Variants in TBC1D21 observed in about 807,000 individuals in gnomAD.
TBC1D21 encodes the protein TBC1 domain family member 21, also known as male germ cell Rab GTPase-activating protein.
TBC1D21 carries 38 observed loss-of-function variants against 46.0 expected under a neutral mutation model. That is an observed-to-expected ratio of 0.83 (90% CI 0.64 to 1.08). The LOEUF is 1.08. TBC1D21 is among the 50% of genes least tolerant of loss of function. TBC1D21 has a pLI of 0.00. For synonymous variants in TBC1D21, 151 were observed against 157.2 expected (o/e 0.96, Z 0.29); for missense variants, 415 against 417.9 (o/e 0.99, Z 0.06).
At chr15:73,888,652 T>C in intron 10 of TBC1D21, 139 bp downstream of exon 10, 1 of 688,010 alleles carries the variant, frequency 1.5e-6, no homozygotes, top group South Asian at 1.7e-5. Context: ...TTCTTCCTCC[T>C]CCTCTTCTTC....
downstream of TBC1D21, among the ~76,000 whole-genome samples, chr15:73,892,718 G>A (rs2068346808): frequency 2.0e-5 from 3 of 152,224 alleles, no homozygotes; most frequent in South Asian, 6.2e-4. Context: ...TGGGCTCCAG[G>A]CCAATAGTGC....
At chr15:73,873,861 AC>A in intron 1 of TBC1D21, 92 bp downstream of exon 1, 1 of 1,432,282 alleles carries the variant, frequency 7.0e-7, no homozygotes, top group Non-Finnish European at 9.6e-7. Context: ...AAAAGCTAGA[AC>A]CCTGAGCTAA....
chr15:73,887,845 C>A (rs2068278851), intron 9 of TBC1D21, 109 bp downstream of exon 9: 1 of 842,062 alleles, frequency 1.2e-6, no homozygotes, highest in Admixed American at 2.3e-5. Context: ...ACCAGTGCCA[C>A]CTTTTCCCCC....
At chr15:73,886,032 C>G (rs1214066267) in intron 6 of TBC1D21, 46 bp from the exon 7 acceptor site, 1 of 1,577,472 alleles carries the variant, frequency 6.3e-7, no homozygotes, top group Admixed American at 1.7e-5. Flanking sequence ...CTTCCGGTGC[C>G]TTGAAGCCAA....
chr15:73,895,419 A>G, the TBC1D21 span, among the ~76,000 whole-genome samples: 2 of 152,164 alleles, frequency 1.3e-5, no homozygotes, highest in Non-Finnish European at 2.9e-5. Flanking sequence ...GAGCTCTGGA[A>G]TAGACCTCCC....
At position 73,885,926 on chromosome 15, in the gene TBC1D21, C is replaced by T. The variant is rs958057259; in HGVS notation, c.580-152C>T. 9.9e-6 allele frequency: 6 copies of T among 607,020 alleles called. No individual in the cohort carries two copies. The African/African-American group carries it at 1.1e-4, about 11-fold the overall frequency. The allele number at this position is 607,020 out of a possible 1,614,324, so 37.6% of individuals were successfully genotyped here. A position where few individuals can be genotyped will look rare whatever the true frequency, so the allele number is the denominator to read the frequency against. On this transcript the variant is annotated intron_variant, in intron 6 of 10. Transcript: ENST00000300504. ...TCACATAGATATGTATGCACACACT[C>T]ACACACACACACTCAGACTCATAGA...
chr15:73,879,254 C>A (rs1046098689), intron 1 of TBC1D21, among the ~76,000 whole-genome samples: 1 of 152,202 alleles, frequency 6.6e-6, no homozygotes, highest in African/African-American at 2.4e-5. Flanking sequence ...GTCACCCAGG[C>A]TGGAGTGCAG....
At chr15:73,898,880 A>AAAAAAATATATATAT in the TBC1D21 span, among the ~76,000 whole-genome samples, 69 of 56,790 alleles carry the variant, frequency 1.2e-3, 1 homozygote, top group African/African-American at 3.4e-3. Context: ...AAAAAAAAAA[A>AAAAAAATATATATAT]ATATATATAT....
chr15:73,901,108 C>T, the TBC1D21 span, among the ~76,000 whole-genome samples: 1 of 152,190 alleles, frequency 6.6e-6, no homozygotes, highest in Non-Finnish European at 1.5e-5. Context: ...CAGAGAGATG[C>T]ACCTTCCACA....
chr15:73,905,533 G>GA, the TBC1D21 span, among the ~76,000 whole-genome samples: 5 of 151,932 alleles, frequency 3.3e-5, no homozygotes, highest in African/African-American at 9.6e-5. Context: ...CAGCTTGCTG[G>GA]AAAAAAAAGA....
At chr15:73,881,772 G>C (rs777496395) in intron 3 of TBC1D21, 25 bp downstream of exon 3, 1 of 1,598,802 alleles carries the variant, frequency 6.3e-7, no homozygotes, top group Non-Finnish European at 8.6e-7. Context: ...ACCCTGCTGG[G>C]ACAGGAGGGG....
chr15:73,902,127 T>C, the TBC1D21 span, among the ~76,000 whole-genome samples: 1 of 152,210 alleles, frequency 6.6e-6, no homozygotes, highest in Non-Finnish European at 1.5e-5. Flanking sequence ...GATCCCTAAC[T>C]TAATTACATC....
At chr15:73,885,640 G>C (rs866626510) in intron 6 of TBC1D21, among the ~76,000 whole-genome samples, 1 of 151,888 alleles carries the variant, frequency 6.6e-6, no homozygotes, top group South Asian at 2.1e-4. Flanking sequence ...ATCTGCGAGA[G>C]GCTGCCCAGA....
At chr15:73,897,150 C>T in the TBC1D21 span, among the ~76,000 whole-genome samples, 1 of 152,116 alleles carries the variant, frequency 6.6e-6, no homozygotes, top group Admixed American at 6.5e-5. Flanking sequence ...GTCCTCACAC[C>T]TCTCTTTCCC....
intron 8 of TBC1D21, among the ~76,000 whole-genome samples, chr15:73,886,967 C>T (rs2068259781): frequency 1.3e-5 from 2 of 152,140 alleles, no homozygotes; most frequent in South Asian, 4.1e-4. Context: ...CCAACCCTGG[C>T]CTTCCCCTTC....
At chr15:73,891,469 A>G (rs2068335875), downstream of TBC1D21, among the ~76,000 whole-genome samples, 1 of 152,156 alleles carries the variant, frequency 6.6e-6, no homozygotes, top group Admixed American at 6.5e-5. Flanking sequence ...CCATGGAGCC[A>G]GTGGGAGCCA....
rs375527248 is a variant in TBC1D21 at position 73,884,998 on chromosome 15, C to G, written c.479-5C>G. 56 of 1,613,686 alleles carry G rather than the reference C, an allele frequency of 3.5e-5. No individual in the cohort carries two copies. In the African/African-American group the frequency reaches 7.2e-4, roughly 21 times the overall value. On this transcript the variant is annotated splice_region_variant and splice_polypyrimidine_tract_variant and intron_variant, in intron 5 of 10. Coordinates refer to ENST00000300504, the MANE Select transcript of TBC1D21 (RefSeq NM_153356.3). ...CCCTCCTCCCCAACCCCCTCTTCGC[C>G]ACAGAGTACCAGCAGGGCTTCCATG...
chr15:73,886,532 G>C lies in TBC1D21; in HGVS notation c.697G>C (p.Val233Leu). ...EHLKGKGAGAVQSLFPWFCFC... is the reference protein window; with the variant it reads ...EHLKGKGAGALQSLFPWFCFC... Reference sequence around the variant, plus strand: ...CACAGAAGGGAAGGGTGCAGGGGCTGTGCAGTCCCTCTTCCCCTGGTTCTG... The same window carrying C: ...CACAGAAGGGAAGGGTGCAGGGGCTCTGCAGTCCCTCTTCCCCTGGTTCTG... The change falls in exon 8 of 11, where the codon GTG (valine) becomes CTG (leucine). Residue 233 changes from valine (V) to leucine (L), a missense_variant. Val to Leu is a conservative substitution (Grantham distance 32, BLOSUM62 1). Coordinates refer to ENST00000300504, the MANE Select transcript of TBC1D21 (RefSeq NM_153356.3). 2.5e-6 allele frequency: 4 copies of C among 1,613,750 alleles called. No individual in the cohort carries two copies. The African/African-American group carries it at 4.0e-5, about 16-fold the overall frequency.
At chr15:73,898,747 C>T in the TBC1D21 span, among the ~76,000 whole-genome samples, 1 of 150,410 alleles carries the variant, frequency 6.6e-6, no homozygotes, top group African/African-American at 2.4e-5. Context: ...GCCTGTAATT[C>T]CAGCCAGTTG....
Sources: allele counts gnomAD v4.1 joint callset (sites outside exome capture counted in the v4.1 genomes callset), GRCh38; gene constraint gnomAD v4.1.1; transcripts MANE v1.5; gene names NCBI Gene and HGNC (gene_info 2026-07-23, HGNC 2026-07-21).